ABCA1: variants seen among roughly 807,000 people sequenced by gnomAD.
ABCA1 encodes the protein ATP binding cassette subfamily A member 1, also known as phospholipid-transporting ATPase ABCA1.
ABCA1 carries 133 observed loss-of-function variants against 262.5 expected under a neutral mutation model. That is an observed-to-expected ratio of 0.51 (90% confidence interval 0.44 to 0.59). The LOEUF is 0.59. ABCA1 is among the 20% of genes least tolerant of loss of function. The pLI, the probability that ABCA1 is intolerant of heterozygous loss-of-function variation, is 0.00. For synonymous variants in ABCA1, 1,022 were observed against 1,043.5 expected (o/e 0.98, Z 0.40); for missense variants, 2,452 against 2,777.5 (o/e 0.88, Z 2.63).
rs1828564189 is a variant in ABCA1, at chr9:104,781,822, G to C, written c.*2493C>G. 6.6e-6 allele frequency: 1 copy of C among 152,348 alleles called. No individual in the cohort carries two copies. The highest frequency in any genetic ancestry group is 1.5e-5 in the Non-Finnish European group (1 of 67,956). 9.4% of individuals were successfully genotyped at this position (152,348 alleles called of 1,614,324 possible). On this transcript the variant is annotated 3_prime_UTR_variant, in exon 50 of 50. Transcript: ENST00000374736. ...AAACTCACATAGGTACATTCCACAG[G>C]GAATATACAGAAATTTTGCTTGATT... is the stretch of plus-strand genomic sequence containing the variant.
At chr9:104,842,003 A>T (rs1273610895) in intron 8 of ABCA1, among the ~76,000 whole-genome samples, 1 of 152,162 alleles carries the variant, frequency 6.6e-6, no homozygotes, top group Non-Finnish European at 1.5e-5. Context: ...CACAGAGGGG[A>T]GGGGAAGGGC....
chr9:104,793,915 A>G (rs1829639444), intron 40 of ABCA1, among the ~76,000 whole-genome samples: 1 of 152,206 alleles, frequency 6.6e-6, no homozygotes, highest in Non-Finnish European at 1.5e-5. Context: ...ATTTTTAACC[A>G]TTCTAAAGGT....
intron 44 of ABCA1, among the ~76,000 whole-genome samples, chr9:104,788,930 T>G (rs1032910497): frequency 1.3e-5 from 2 of 152,234 alleles, no homozygotes; most frequent in Non-Finnish European, 2.9e-5. Context: ...TTCACTCATA[T>G]GCACCATTCA....
At position 104,850,904 on chromosome 9, in the gene ABCA1, G is replaced by A. The variant is rs1319444751; in HGVS notation, c.721-5335C>T. ...AAGTAAAGGAAATGGGAAAAAGAAG[G>A]AAAATAAAACCTTTAGTGAGGGACT... On this transcript the variant is annotated intron_variant, in intron 7 of 49. Transcript: ENST00000374736. Among the ~76,000 whole-genome samples, 3 of 152,304 alleles carry A rather than the reference G, an allele frequency of 2.0e-5. No individual in the cohort carries two copies. In the East Asian group the frequency reaches 5.8e-4, roughly 29 times the overall value.
At chr9:104,798,634 T>C in intron 36 of ABCA1, 36 bp from the exon 37 acceptor site, 2 of 1,590,974 alleles carry the variant, frequency 1.3e-6, no homozygotes, top group Non-Finnish European at 1.7e-6. Flanking sequence ...CTGAGGGGTC[T>C]TTGATGCAGT....
At chr9:104,889,259 G>T in intron 2 of ABCA1, 64 bp from the exon 3 acceptor site, 1 of 1,563,616 alleles carries the variant, frequency 6.4e-7, no homozygotes. Context: ...AATGCCACTG[G>T]GATCTGGGAA....
At chr9:104,910,162 G>A (rs1051968650) in intron 1 of ABCA1, among the ~76,000 whole-genome samples, 12 of 152,180 alleles carry the variant, frequency 7.9e-5, no homozygotes, top group African/African-American at 2.7e-4. Context: ...GATCATACAA[G>A]TGTCAACATC....
chr9:104,860,688 G>C (rs1488205722), intron 6 of ABCA1, among the ~76,000 whole-genome samples: 1 of 148,718 alleles, frequency 6.7e-6, no homozygotes, highest in East Asian at 2.0e-4. Flanking sequence ...GCCAGAGGAA[G>C]TTTTCTATGA....
intron 22 of ABCA1, 109 bp from the exon 23 acceptor site, chr9:104,818,992 C>A (rs921473098): frequency 2.8e-6 from 3 of 1,075,668 alleles, no homozygotes; most frequent in East Asian, 5.2e-5. Flanking sequence ...CTGGAAGAGA[C>A]CTGGAAGCCA....
intron 16 of ABCA1, among the ~76,000 whole-genome samples, chr9:104,826,168 C>T (rs1832793603): frequency 6.6e-6 from 1 of 152,074 alleles, no homozygotes; most frequent in Non-Finnish European, 1.5e-5. Context: ...CCAAAGATGC[C>T]CCAAGGCTCA....
intron 45 of ABCA1, 74 bp from the exon 46 acceptor site, chr9:104,788,128 T>C: frequency 1.3e-6 from 2 of 1,481,712 alleles, no homozygotes. Flanking sequence ...CATACATGTA[T>C]GAAAGTTCTT....
At position 104,791,983 on chromosome 9, in the gene ABCA1, G is replaced by C. The variant is rs568280586; in HGVS notation, c.5773C>G (p.Arg1925Gly). Residue 1925 changes from arginine to glycine, a missense_variant, in exon 43 of 50, where the codon CGG becomes GGG. Around this residue, in one of 4 missense-constraint regions of ABCA1, gnomAD observed 752 missense variants for 944.5 expected, o/e 0.80. Coordinates refer to ENST00000374736, the MANE Select transcript of ABCA1 (RefSeq NM_005502.4). Reference protein sequence around the residue: ...KELTKIYRRKRKPAVDRICVG... With the variant: ...KELTKIYRRKGKPAVDRICVG... ...CAAATCCTGTCAACAGCAGGCTTCC[G>C]CTTCCTTCTATATATCTGCAACAAA... is the stretch of plus-strand genomic sequence containing the variant. The C allele has an allele frequency of 2.2e-5, 35 of 1,613,266 alleles. 1 individual carries two copies. The South Asian group carries it at 3.7e-4, about 17-fold the overall frequency.
At chr9:104,842,012 G>A (rs1420243914) in intron 8 of ABCA1, among the ~76,000 whole-genome samples, 1 of 152,246 alleles carries the variant, frequency 6.6e-6, no homozygotes, top group Non-Finnish European at 1.5e-5. Flanking sequence ...GAGGGGAAGG[G>A]CCACGAGGCC....
intron 5 of ABCA1, among the ~76,000 whole-genome samples, chr9:104,865,704 C>T (rs1453513204): frequency 6.6e-6 from 1 of 151,892 alleles, no homozygotes; most frequent in Admixed American, 6.6e-5. Flanking sequence ...AATTTTCTTA[C>T]CAATTAAGTG....
chr9:104,856,003 G>A, intron 7 of ABCA1: 1 of 1,612,692 alleles, frequency 6.2e-7, no homozygotes, highest in African/African-American at 1.3e-5. Context: ...CATCATGTTG[G>A]GCTTTGCATC....
At chr9:104,907,470 G>A (rs755962858) in intron 1 of ABCA1, among the ~76,000 whole-genome samples, 11 of 152,120 alleles carry the variant, frequency 7.2e-5, no homozygotes, top group African/African-American at 1.7e-4. Context: ...CTGGCTTGTC[G>A]TAAGCACTTG....
At position 104,783,927 on chromosome 9, in the gene ABCA1, T is replaced by A. The variant is rs1421290794; in HGVS notation, c.*388A>T. Reference sequence around the variant, plus strand: ...GATGTGCATTACCTTTTGATTTTGATCAATAATCGCTGGCCATGATTACTT... The same window carrying A: ...GATGTGCATTACCTTTTGATTTTGAACAATAATCGCTGGCCATGATTACTT... On this transcript the variant is annotated 3_prime_UTR_variant, in exon 50 of 50. Transcript: ENST00000374736. 5.3e-6 allele frequency: 1 copy of A among 187,722 alleles called. No homozygotes were observed. The highest frequency in any genetic ancestry group is 1.1e-5 in the Non-Finnish European group (1 of 90,168). The allele number at this position is 187,722 out of a possible 1,614,324, so 11.6% of individuals were successfully genotyped here.
chr9:104,886,764 A>C (rs1360557063), intron 3 of ABCA1, among the ~76,000 whole-genome samples: 1 of 152,230 alleles, frequency 6.6e-6, no homozygotes, highest in African/African-American at 2.4e-5. Flanking sequence ...GTGGGTGTAC[A>C]GGAAGACAAG....
rs1799127890 is a variant in ABCA1, at chr9:104,817,188, C to A, written c.3535+144G>T. The A allele has an allele frequency of 6.4e-7, 1 of 1,554,806 alleles. No individual in the cohort carries two copies. On this transcript the variant is annotated intron_variant, in intron 24 of 49. Transcript: ENST00000374736. The surrounding 1 kb of genome is among the most constrained non-coding windows in gnomAD (Gnocchi z 4.7). ...GGCCAACCCGCCACCAAGCTGCTCC[C>A]ACACCCGCAGCCACCCAGCCCCAGC...
Sources: allele counts gnomAD v4.1 joint callset (sites outside exome capture counted in the v4.1 genomes callset), GRCh38; gene constraint gnomAD v4.1.1; regional missense constraint gnomAD v4.1.1; non-coding constraint Gnocchi (gnomAD v3.1); transcripts MANE v1.5; gene names NCBI Gene and HGNC (gene_info 2026-07-23, HGNC 2026-07-21).